Variants in TMPRSS6 observed in about 807,000 individuals in gnomAD.
The protein encoded by TMPRSS6 is transmembrane serine protease 6.
A neutral mutation model predicts 101.5 loss-of-function variants in TMPRSS6; 67 were observed. The observed-to-expected ratio is 0.66, with a 90% CI of 0.54 to 0.81. TMPRSS6 has a LOEUF of 0.81. Ranked by LOEUF, TMPRSS6 falls within the 30% of genes least tolerant of loss-of-function variation. The probability of loss-of-function intolerance (pLI) is 0.00; values close to 1 mark genes in which losing one functional copy is unlikely to be tolerated. For synonymous variants in TMPRSS6, 453 were observed against 464.9 expected (o/e 0.97, Z 0.33); for missense variants, 1,034 against 1,088.7 (o/e 0.95, Z 0.71).
At chr22:37,066,384 C>T (rs1047685021) in intron 17 of TMPRSS6, 146 bp from the exon 18 acceptor site, 11 of 928,866 alleles carry the variant, frequency 1.2e-5, no homozygotes, top group Non-Finnish European at 1.7e-5. Context: ...TTTCCCCTCG[C>T]CTGCTAAATG....
In TMPRSS6 at chr22:37,084,793, G is replaced by C; in HGVS notation, c.1020C>G (p.Gly340=). The C allele has an allele frequency of 6.4e-7, 1 of 1,564,526 alleles. No individual in the cohort carries two copies. Among genetic ancestry groups the C allele is most frequent in the Non-Finnish European group, 8.7e-7 (1 of 1,153,878 alleles). Residue 340 remains glycine, a synonymous_variant, in exon 9 of 18, where the codon GGC becomes GGG. Coordinates refer to ENST00000676104, the MANE Select transcript of TMPRSS6 (RefSeq NM_001374504.1). ...TGGGGAAGTACGGGGTGCTGAGGAC[G>C]CCCTGGGAGTCGAGCCTGTTGTCCA... ...LTLDNRLDSQ[G]VLSTPYFPSY...
intron 10 of TMPRSS6, among the ~76,000 whole-genome samples, chr22:37,079,501 A>AC (rs1347295671): frequency 4.6e-5 from 7 of 151,920 alleles, no homozygotes; most frequent in East Asian, 1.9e-4. Flanking sequence ...ATGAATGCAC[A>AC]CCCCCGTGCC....
intron 9 of TMPRSS6, 102 bp from the exon 10 acceptor site, chr22:37,084,506 G>T: frequency 1.1e-6 from 1 of 950,914 alleles, no homozygotes; most frequent in Non-Finnish European, 1.7e-6. Context: ...AATCCCAGGT[G>T]GGGCTAAAGT....
chr22:37,069,385 G>T lies in TMPRSS6; in HGVS notation c.1842-41C>A, dbSNP rs1568996399. ...GTGGGGTGGGGTGGGGTGAGGTGAG[G>T]TGGGAGGAAGCTGCCTCTCCCCATC... On this transcript the variant is annotated intron_variant, in intron 15 of 17. Transcript: ENST00000676104. This position sits in a 1 kb window ranked among gnomAD's most constrained non-coding sequence, Gnocchi z 4.8. 2 of 1,498,360 alleles carry T rather than the reference G, an allele frequency of 1.3e-6. No individual in the cohort carries two copies. The highest frequency in any genetic ancestry group is 1.4e-5 in the African/African-American group (1 of 71,190). 92.8% of individuals were successfully genotyped at this position (1,498,360 alleles called of 1,614,324 possible).
intron 10 of TMPRSS6, among the ~76,000 whole-genome samples, chr22:37,078,426 C>T (rs899453806): frequency 3.9e-5 from 6 of 152,116 alleles, no homozygotes; most frequent in African/African-American, 7.2e-5. Flanking sequence ...ACCGTGTACC[C>T]GGGAACCTGT....
chr22:37,084,021 G>T (rs1928469131), intron 10 of TMPRSS6: 1 of 570,018 alleles, frequency 1.8e-6, no homozygotes. Context: ...AGACAATTTT[G>T]CTGTAATTAG....
chr22:37,068,556 G>A, intron 16 of TMPRSS6: 2 of 778,222 alleles, frequency 2.6e-6, no homozygotes, highest in Non-Finnish European at 4.8e-6. Context: ...CAGGGGCTCT[G>A]GAGGCAGCCA....
chr22:37,068,725 C>T (rs769431564), intron 16 of TMPRSS6: 1 of 779,098 alleles, frequency 1.3e-6, no homozygotes, highest in South Asian at 1.3e-5. Flanking sequence ...TAAAATCCAG[C>T]CTGGATGTGG....
chr22:37,102,810 T>A (rs1331198770), intron 2 of TMPRSS6, among the ~76,000 whole-genome samples: 2 of 152,096 alleles, frequency 1.3e-5, no homozygotes, highest in Non-Finnish European at 2.9e-5. Context: ...CAGGTACCAT[T>A]GGTGCCTCTG....
chr22:37,086,725 C>T (rs1053640815), intron 7 of TMPRSS6, among the ~76,000 whole-genome samples: 1 of 152,084 alleles, frequency 6.6e-6, no homozygotes, highest in Non-Finnish European at 1.5e-5. Flanking sequence ...ATGCTCCCTC[C>T]CCAGACCCCT....
chr22:37,070,859 C>A, intron 14 of TMPRSS6, 57 bp downstream of exon 14: 2 of 1,540,010 alleles, frequency 1.3e-6, no homozygotes, highest in Non-Finnish European at 1.8e-6. Context: ...CAGCTTCCTG[C>A]TGTGGGCACC....
At chr22:37,079,675 C>A (rs559633386) in intron 10 of TMPRSS6, among the ~76,000 whole-genome samples, 1 of 152,224 alleles carries the variant, frequency 6.6e-6, no homozygotes, top group Non-Finnish European at 1.5e-5. Context: ...CCTTGGGTCA[C>A]CCTCAGCAAG....
chr22:37,093,384 CTTTTTTTTTTTT>C (rs67659825), intron 6 of TMPRSS6, among the ~76,000 whole-genome samples: 10 of 82,568 alleles, frequency 1.2e-4, no homozygotes, highest in East Asian at 3.8e-4. Flanking sequence ...TTCTTTCTTT[CTTTTTTTTTTTT>C]TTTTTTTTTT....
chr22:37,074,166 A>G (rs1927402077), intron 12 of TMPRSS6, among the ~76,000 whole-genome samples: 1 of 152,238 alleles, frequency 6.6e-6, no homozygotes, highest in Admixed American at 6.5e-5. Context: ...CAGAACTTGA[A>G]GCCAGATGTT....
intron 10 of TMPRSS6, among the ~76,000 whole-genome samples, chr22:37,078,003 T>G (rs915386614): frequency 6.6e-6 from 1 of 152,206 alleles, no homozygotes; most frequent in Non-Finnish European, 1.5e-5. Flanking sequence ...AGCCTGGCCC[T>G]CTTGCTCTTG....
chr22:37,110,502 C>T (rs368505911), upstream of TMPRSS6, among the ~76,000 whole-genome samples: 16 of 152,108 alleles, frequency 1.1e-4, no homozygotes, highest in East Asian at 2.3e-3. Flanking sequence ...GCTGGTCACC[C>T]GTGGCTCTTG....
rs759354488 is a variant in TMPRSS6 at position 37,086,394 on chromosome 22, G to T, written c.862C>A (p.Pro288Thr). ...TSVYGCSRQE[P>T]VVEVLASGAI... is the part of the protein sequence containing the mutation. Reference sequence around the variant, plus strand: ...CCCGACGCCAGAACCTCCACCACGGGCTCCTGGCGGCTGCAGCCGTACACC... The same window carrying T: ...CCCGACGCCAGAACCTCCACCACGGTCTCCTGGCGGCTGCAGCCGTACACC... The change falls in exon 8 of 18, where the codon CCC (proline) becomes ACC (threonine). Residue 288 changes from proline to threonine, a missense_variant. Transcript: ENST00000676104. 1.4e-5 allele frequency: 23 copies of T among 1,599,022 alleles called. No homozygotes were observed. The African/African-American group carries it at 2.8e-4, about 20-fold the overall frequency.
intron 2 of TMPRSS6, among the ~76,000 whole-genome samples, chr22:37,100,116 C>T (rs561239410): frequency 1.3e-5 from 2 of 152,278 alleles, no homozygotes; most frequent in East Asian, 1.9e-4. Flanking sequence ...TACAGGCATG[C>T]ACCACCACGC....
chr22:37,108,501 T>C (rs548125678), intron 1 of TMPRSS6, among the ~76,000 whole-genome samples: 4 of 152,160 alleles, frequency 2.6e-5, no homozygotes, highest in Non-Finnish European at 5.9e-5. Flanking sequence ...GACCCCACCC[T>C]GGCACCTGCT....
Sources: allele counts gnomAD v4.1 joint callset (sites outside exome capture counted in the v4.1 genomes callset), GRCh38; gene constraint gnomAD v4.1.1; non-coding constraint Gnocchi (gnomAD v3.1); transcripts MANE v1.5; gene names NCBI Gene and HGNC (gene_info 2026-07-23, HGNC 2026-07-21).